The following ART3 variants were observed in gnomAD, a reference collection of about 807,000 sequenced individuals.
ART3 encodes ecto-ADP-ribosyltransferase 3.
ART3 carries 49 observed loss-of-function variants against 48.5 expected under a neutral mutation model. That is an observed-to-expected ratio of 1.01 (90% CI 0.80 to 1.28). The LOEUF (loss-of-function observed/expected upper bound fraction) is 1.28. Among genes scored for constraint, ART3 ranks in the 50% most tolerant of loss-of-function variants. The pLI is 0.00. For missense variants in ART3, 438 were observed against 454.3 expected, an observed-to-expected ratio of 0.96 and a Z score of 0.33; for synonymous variants, 145 against 157.2, an observed-to-expected ratio of 0.92 and a Z score of 0.58.
chr4:76,104,789 A>G (rs1008549533), intron 10 of ART3, among the ~76,000 whole-genome samples, 160 bp downstream of exon 10: 2 of 152,206 alleles, frequency 1.3e-5, no homozygotes, highest in Non-Finnish European at 1.5e-5. Context: ...AAGGACTATA[A>G]AACCATGGAA....
At chr4:76,013,966 C>CT (rs1287132140) in intron 1 of ART3, among the ~76,000 whole-genome samples, 2 of 152,144 alleles carry the variant, frequency 1.3e-5, no homozygotes. Context: ...TTGTAAATAT[C>CT]TATCAATTCT....
At chr4:76,091,891 C>T (rs1031320076) in intron 3 of ART3, among the ~76,000 whole-genome samples, 2 of 152,102 alleles carry the variant, frequency 1.3e-5, no homozygotes, top group African/African-American at 4.8e-5. Flanking sequence ...CCATGTTGGC[C>T]AGGCTGGCCT....
chr4:76,091,247 C>G (rs977679633), intron 3 of ART3, among the ~76,000 whole-genome samples: 1 of 152,128 alleles, frequency 6.6e-6, no homozygotes, highest in Non-Finnish European at 1.5e-5. Context: ...TTTCATTACA[C>G]TTGAGTAAAT....
At chr4:76,022,525 T>G in intron 1 of ART3, 1 of 1,511,118 alleles carries the variant, frequency 6.6e-7, no homozygotes, top group Non-Finnish European at 9.1e-7. Flanking sequence ...GCATACGCAG[T>G]TCTGAAGTCA....
At chr4:76,047,417 A>C (rs903431607) in intron 1 of ART3, among the ~76,000 whole-genome samples, 3 of 151,856 alleles carry the variant, frequency 2.0e-5, no homozygotes, top group Non-Finnish European at 4.4e-5. Context: ...CTTTCTCCTG[A>C]TATCTGCGGC....
chr4:76,079,079 T>TA (rs994011970), intron 2 of ART3, among the ~76,000 whole-genome samples: 8 of 140,930 alleles, frequency 5.7e-5, no homozygotes, highest in South Asian at 2.3e-4. Context: ...AGACTCCGTC[T>TA]AAAAAAAAAA....
chr4:76,038,653 T>C (rs2149417681), intron 1 of ART3, among the ~76,000 whole-genome samples: 2 of 152,320 alleles, frequency 1.3e-5, no homozygotes. Context: ...TAGTTGTTAA[T>C]AGGGAAGGCT....
intron 3 of ART3, among the ~76,000 whole-genome samples, chr4:76,087,126 C>T (rs947319828): frequency 2.0e-5 from 3 of 152,128 alleles, no homozygotes; most frequent in African/African-American, 7.2e-5. Flanking sequence ...AAATGTAGCA[C>T]AGGGGTCTGG....
At chr4:76,086,586 T>G (rs1341914337) in intron 3 of ART3, among the ~76,000 whole-genome samples, 1 of 152,204 alleles carries the variant, frequency 6.6e-6, no homozygotes, top group Non-Finnish European at 1.5e-5. Context: ...TTTACTTAAA[T>G]AAGGATTTTA....
At chr4:76,036,700 A>G (rs1734448701) in intron 1 of ART3, 1 of 159,000 alleles carries the variant, frequency 6.3e-6, no homozygotes, top group Non-Finnish European at 1.5e-5. Context: ...ACTTTATTTT[A>G]TATTTATTTT....
At chr4:76,070,137 G>A (rs1035831489), upstream of ART3, among the ~76,000 whole-genome samples, 29 of 151,410 alleles carry the variant, frequency 1.9e-4, no homozygotes, top group African/African-American at 6.8e-4. Flanking sequence ...TTTGACAGGT[G>A]TGAACATACA....
At chr4:76,061,098 T>C (rs1489132750) in intron 1 of ART3, among the ~76,000 whole-genome samples, 1 of 152,238 alleles carries the variant, frequency 6.6e-6, no homozygotes, top group African/African-American at 2.4e-5. Context: ...TAACAAACTA[T>C]TGCAGCTAAT....
intron 1 of ART3, among the ~76,000 whole-genome samples, chr4:76,059,862 A>G (rs187165547): frequency 2.6e-5 from 4 of 152,326 alleles, no homozygotes; most frequent in Admixed American, 2.6e-4. Flanking sequence ...AGAATAAACC[A>G]CTGGCCAAAT....
At chr4:76,110,163 A>G (rs963493708) in intron 11 of ART3, among the ~76,000 whole-genome samples, 1 of 152,158 alleles carries the variant, frequency 6.6e-6, no homozygotes, top group Non-Finnish European at 1.5e-5. Flanking sequence ...ATGCAGCTAT[A>G]GTTAGCCCTC....
chr4:76,102,091 T>C (rs932148220), intron 8 of ART3, among the ~76,000 whole-genome samples: 9 of 152,212 alleles, frequency 5.9e-5, no homozygotes, highest in Admixed American at 5.2e-4. Flanking sequence ...AAGCATTCAT[T>C]GAGCTGAGCA....
At chr4:76,090,819 G>A (rs188062107) in intron 3 of ART3, among the ~76,000 whole-genome samples, 4 of 152,308 alleles carry the variant, frequency 2.6e-5, no homozygotes, top group Admixed American at 2.6e-4. Flanking sequence ...ATATGCCAAT[G>A]AAATCATCAC....
intron 1 of ART3, among the ~76,000 whole-genome samples, chr4:76,058,927 G>A (rs1196802907): frequency 6.6e-6 from 1 of 152,188 alleles, no homozygotes; most frequent in African/African-American, 2.4e-5. Context: ...ATAGAAAAAG[G>A]AAAGTGACGT....
intron 1 of ART3, chr4:76,035,035 T>C (rs4241580): frequency 0.56 from 889,909 of 1,599,380 alleles, 255,747 homozygotes; most frequent in East Asian, 0.94. Flanking sequence ...TGGGAGTAAT[T>C]TGGTAACTTA....
At chr4:76,088,577 G>T (rs1157583587) in intron 3 of ART3, among the ~76,000 whole-genome samples, 1 of 152,140 alleles carries the variant, frequency 6.6e-6, no homozygotes, top group Non-Finnish European at 1.5e-5. Context: ...CTTATTAAAT[G>T]TTAAGTATCT....
Sources: allele counts gnomAD v4.1 joint callset (sites outside exome capture counted in the v4.1 genomes callset), GRCh38; gene constraint gnomAD v4.1.1; transcripts MANE v1.5; gene names NCBI Gene and HGNC (gene_info 2026-07-23, HGNC 2026-07-21).